The following ODR4 variants were observed in gnomAD, a reference collection of about 807,000 sequenced individuals.
The protein encoded by ODR4 is protein odr-4 homolog.
In ODR4, 47 loss-of-function variants were observed where a neutral mutation model predicts 60.2. The ratio of observed to expected loss-of-function variants is 0.78; its 90% confidence interval spans 0.62 to 1.00. ODR4 has a LOEUF of 1.00. Among genes scored for constraint, ODR4 ranks in the 50% least tolerant of loss-of-function variants. The pLI is 0.00. For missense variants in ODR4, 488 were observed against 530.8 expected (o/e 0.92, Z 0.79); for synonymous variants, 178 against 175.5 (o/e 1.01, Z -0.11).
the ODR4 span, among the ~76,000 whole-genome samples, chr1:186,432,492 T>G: frequency 3.3e-5 from 5 of 152,206 alleles, no homozygotes; most frequent in South Asian, 2.1e-4. Flanking sequence ...TATAAATACA[T>G]CTAGGCCCTG....
intron 12 of ODR4, chr1:186,411,798 T>G: frequency 1.1e-6 from 1 of 869,752 alleles, no homozygotes; most frequent in Non-Finnish European, 1.4e-6. Flanking sequence ...ATTTCTCTTT[T>G]TTATGCTGAC....
chr1:186,391,918 A>G (rs1352154937), intron 8 of ODR4, 127 bp downstream of exon 8: 2 of 641,090 alleles, frequency 3.1e-6, no homozygotes, highest in Non-Finnish European at 5.4e-6. Flanking sequence ...TTTCTGATTT[A>G]AAGTAAAAGG....
intron 10 of ODR4, 132 bp from the exon 11 acceptor site, chr1:186,398,822 C>A: frequency 1.8e-6 from 1 of 568,016 alleles, no homozygotes; most frequent in Non-Finnish European, 3.0e-6. Flanking sequence ...GGAAATAAAA[C>A]ATTGAATGAT....
At chr1:186,392,838 A>G (rs993068399) in intron 8 of ODR4, among the ~76,000 whole-genome samples, 61 of 152,270 alleles carry the variant, frequency 4.0e-4, no homozygotes, top group African/African-American at 1.3e-3. Flanking sequence ...CCCTGTCTCT[A>G]CTAAAAATAA....
At chr1:186,406,569 G>GT (rs2102072751) in intron 12 of ODR4, among the ~76,000 whole-genome samples, 1 of 152,140 alleles carries the variant, frequency 6.6e-6, no homozygotes, top group East Asian at 1.9e-4. Flanking sequence ...AAGCTTTAAG[G>GT]TATTTCTTTC....
chr1:186,403,478 A>G (rs1661062860), intron 11 of ODR4, among the ~76,000 whole-genome samples: 2 of 152,026 alleles, frequency 1.3e-5, no homozygotes, highest in African/African-American at 2.4e-5. Flanking sequence ...TACTGGTAAG[A>G]TCTTATAGAT....
chr1:186,394,184 A>G (rs1465807507), intron 9 of ODR4, among the ~76,000 whole-genome samples, 169 bp downstream of exon 9: 1 of 152,128 alleles, frequency 6.6e-6, no homozygotes, highest in Non-Finnish European at 1.5e-5. Flanking sequence ...TTTTAATAAA[A>G]CCTGTTTGGG....
chr1:186,406,030 T>A (rs1661161411), intron 11 of ODR4, 53 bp from the exon 12 acceptor site: 2 of 1,244,866 alleles, frequency 1.6e-6, no homozygotes, highest in East Asian at 2.6e-5. Flanking sequence ...TATGTATCAC[T>A]GATACCAGTG....
At chr1:186,424,027 A>C (rs1278804944), downstream of ODR4, among the ~76,000 whole-genome samples, 1 of 152,220 alleles carries the variant, frequency 6.6e-6, no homozygotes, top group Non-Finnish European at 1.5e-5. Flanking sequence ...ACTATCTCTT[A>C]GAGTTAAGAA....
At chr1:186,404,003 C>T (rs1484238306) in intron 11 of ODR4, among the ~76,000 whole-genome samples, 4 of 152,168 alleles carry the variant, frequency 2.6e-5, no homozygotes, top group Non-Finnish European at 5.9e-5. Flanking sequence ...TAAGCTTCAA[C>T]TGTGCTATCA....
intron 2 of ODR4, among the ~76,000 whole-genome samples, chr1:186,381,767 TC>T (rs1483915864): frequency 2.0e-5 from 3 of 152,230 alleles, no homozygotes; most frequent in Admixed American, 6.5e-5. Context: ...CTTGCCTGTT[TC>T]CTGGTCTCTG....
chr1:186,403,236 TA>T lies in ODR4; in HGVS notation c.1001-2840del, dbSNP rs1170263932. ...ATAATATAAATAAATGTAAATTCTT[TA>T]AAAAAATTTTTTTAATTTTTAACTT... On this transcript the variant is annotated intron_variant, in intron 11 of 13. Coordinates refer to ENST00000287859, the MANE Select transcript of ODR4 (RefSeq NM_017847.6). Among the ~76,000 whole-genome samples, 29 of 152,216 alleles carry T rather than the reference TA, an allele frequency of 1.9e-4. No individual in the cohort carries two copies. In the East Asian group the frequency reaches 4.2e-3, roughly 22 times the overall value.
the ODR4 span, among the ~76,000 whole-genome samples, chr1:186,430,850 C>A: frequency 1.4e-5 from 2 of 139,074 alleles, no homozygotes; most frequent in Admixed American, 6.9e-5. Context: ...CTATGTCACC[C>A]TCCCTCCCTT....
rs1411202728 is a variant in ODR4, at chr1:186,421,307, TATA to T, written c.*2234_*2236del. ...TAAACTGTTGTTTGTATAAAACAAT[TATA>T]ATGAAGTGTTTATAAGAAATTGTAA... is the stretch of plus-strand genomic sequence containing the variant. On this transcript the variant is annotated 3_prime_UTR_variant, in exon 14 of 14. Transcript: ENST00000287859. 2.6e-5 allele frequency: 4 copies of T among 152,222 alleles called. No homozygotes were observed. The highest frequency in any genetic ancestry group is 6.5e-5 in the Admixed American group (1 of 15,276). 9.4% of individuals were successfully genotyped at this position (152,222 alleles called of 1,614,324 possible).
downstream of ODR4, among the ~76,000 whole-genome samples, chr1:186,421,918 A>T (rs1452031608): frequency 6.6e-6 from 1 of 151,830 alleles, no homozygotes; most frequent in African/African-American, 2.4e-5. Flanking sequence ...TTTATTTAAA[A>T]TACAGAATAG....
intron 8 of ODR4, among the ~76,000 whole-genome samples, chr1:186,393,062 G>A (rs114501030): frequency 0.045 from 6,888 of 152,084 alleles, 510 homozygotes; most frequent in African/African-American, 0.16. Context: ...ACCAAATACC[G>A]TATGTTCTGA....
chr1:186,402,394 TTTC>T (rs1661016546), intron 11 of ODR4, among the ~76,000 whole-genome samples: 3 of 150,664 alleles, frequency 2.0e-5, no homozygotes. Flanking sequence ...CCTTTCTTCC[TTTC>T]TTCCTTCTTT....
intron 11 of ODR4, among the ~76,000 whole-genome samples, chr1:186,405,645 C>T (rs564976143): frequency 1.3e-4 from 20 of 152,198 alleles, no homozygotes; most frequent in African/African-American, 2.9e-4. Flanking sequence ...CTCCACCTCC[C>T]GGTTCAAGAA....
intron 4 of ODR4, among the ~76,000 whole-genome samples, chr1:186,387,405 TG>T (rs1660293210): frequency 6.6e-6 from 1 of 152,208 alleles, no homozygotes; most frequent in South Asian, 2.1e-4. Flanking sequence ...TTTTGGCTGG[TG>T]CTGAATTGAG....
Sources: gnomAD v4.1 joint callset for allele counts (sites outside exome capture counted in the v4.1 genomes callset) on GRCh38, gnomAD v4.1.1 for gene constraint, MANE v1.5 for transcripts, NCBI Gene and HGNC (gene_info 2026-07-23, HGNC 2026-07-21) for gene names.